Variants in IDH3B observed in about 807,000 individuals in gnomAD.
IDH3B encodes the protein isocitrate dehydrogenase (NAD(+)) 3 non-catalytic subunit beta, also known as isocitrate dehydrogenase [NAD] subunit beta, mitochondrial.
Under a neutral mutation model 47.5 loss-of-function variants are expected in IDH3B, and 40 were observed. The observed-to-expected ratio is 0.84, with a 90% CI of 0.65 to 1.10. The LOEUF (loss-of-function observed/expected upper bound fraction) is 1.10. IDH3B is among the 50% of genes least tolerant of loss of function. IDH3B has a pLI of 0.00. For missense variants in IDH3B, 450 were observed against 505.2 expected, an observed-to-expected ratio of 0.89 and a Z score of 1.05; for synonymous variants, 185 against 191.0, an observed-to-expected ratio of 0.97 and a Z score of 0.26.
intron 4 of IDH3B, among the ~76,000 whole-genome samples, chr20:2,663,141 G>A (rs796175460): frequency 7.0e-6 from 1 of 142,200 alleles, no homozygotes; most frequent in Admixed American, 6.7e-5. Context: ...AAGGAAGGGA[G>A]GGGAAAAAAA....
chr20:2,663,711 C>T lies in IDH3B; in HGVS notation c.165G>A (p.Pro55=), dbSNP rs375803338. ...TCAGCTCAGGCCCCACACCGTCTCCCGGAAGCATGGTCACGGGAAAGGAGC... is the reference window on the plus strand; with the variant it reads ...TCAGCTCAGGCCCCACACCGTCTCCTGGAAGCATGGTCACGGGAAAGGAGC... ...VEGSFPVTML[P]GDGVGPELMH... Residue 55 remains proline, a synonymous_variant, in exon 3 of 12, where the codon CCG becomes CCA. Coordinates refer to ENST00000380843, the MANE Select transcript of IDH3B (RefSeq NM_006899.5). 235 of 1,614,176 alleles carry T rather than the reference C, an allele frequency of 1.5e-4. No homozygotes were observed. In the Middle Eastern group the frequency reaches 4.3e-3, roughly 29 times the overall value.
chr20:2,659,455 G>T, intron 11 of IDH3B, 70 bp downstream of exon 11: 1 of 1,562,034 alleles, frequency 6.4e-7, no homozygotes, highest in South Asian at 1.1e-5. Context: ...GTTCCCCAGA[G>T]GGTAGTGCCG....
In IDH3B at chr20:2,659,691, T is replaced by C. The variant is rs200242149; in HGVS notation, c.1010+8A>G. On this transcript the variant is annotated splice_region_variant and intron_variant, in intron 10 of 11. Transcript: ENST00000380843. ...CCCAACCTCTGCCGACAGCCTCCCA[T>C]GACCTACTTAAGATGCCGCAGCATG... The C allele has an allele frequency of 1.0e-4, 168 of 1,613,484 alleles. No homozygotes were observed. The highest frequency in any genetic ancestry group is 1.6e-4 in the Middle Eastern group (1 of 6,084).
chr20:2,659,756 T>C lies in IDH3B; in HGVS notation c.953A>G (p.Asn318Ser), dbSNP rs1216687710. 5.0e-6 allele frequency: 8 copies of C among 1,614,046 alleles called. No individual in the cohort carries two copies. Among genetic ancestry groups the C allele is most frequent in the Admixed American group, 3.3e-5 (2 of 60,006 alleles). Residue 318 changes from asparagine to serine, a missense_variant, in exon 10 of 12, where the codon AAT (asparagine) becomes AGT (serine). Asn to Ser is a conservative substitution (Grantham distance 46). Coordinates refer to ENST00000380843, the MANE Select transcript of IDH3B (RefSeq NM_006899.5). ...RHPFAQAVGR[N>S]IANPTAMLLS... ...CAGCATGGCCGTGGGATTGGCTATA[T>C]TCCTGCCCACTGCCTGGGCAAATGG...
intron 4 of IDH3B, 42 bp downstream of exon 4, chr20:2,663,404 T>C: frequency 1.2e-6 from 2 of 1,612,220 alleles, no homozygotes; most frequent in Non-Finnish European, 1.7e-6. Flanking sequence ...GGTCATTTGA[T>C]TTTAAATGGC....
In IDH3B at chr20:2,659,105, C is replaced by A. The variant is rs118032296; in HGVS notation, c.1072-268G>T. 3.0e-3 allele frequency: 4,332 copies of A among 1,436,200 alleles called. 15 individuals carry two copies. Among genetic ancestry groups the A allele is most frequent in the Non-Finnish European group, 3.3e-3 (3,589 of 1,102,226 alleles). 89.0% of individuals were successfully genotyped at this position (1,436,200 alleles called of 1,614,324 possible). A position where few individuals can be genotyped will look rare whatever the true frequency, so the allele number is the denominator to read the frequency against. The stretch of plus-strand genomic sequence containing the variant: ...AACGCAGATCAGAGGCAGGATGTGG[C>A]TACCTTCCTTGGAAGAAATAGAGAC... On this transcript the variant is annotated intron_variant, in intron 11 of 11. Transcript: ENST00000380843.
intron 2 of IDH3B, 71 bp from the exon 3 acceptor site, chr20:2,663,829 G>A: frequency 1.3e-6 from 2 of 1,594,912 alleles, no homozygotes; most frequent in Non-Finnish European, 1.7e-6. Context: ...GAGTAGAGAA[G>A]TAGGGAGACC....
chr20:2,663,035 G>A (rs1409697033), intron 4 of IDH3B, among the ~76,000 whole-genome samples: 1 of 152,002 alleles, frequency 6.6e-6, no homozygotes, highest in African/African-American at 2.4e-5. Context: ...GCTGAGGCAG[G>A]AGAATTGCTT....
chr20:2,659,629 C>G, intron 10 of IDH3B, 44 bp from the exon 11 acceptor site: 1 of 1,610,504 alleles, frequency 6.2e-7, no homozygotes, highest in Non-Finnish European at 8.5e-7. Context: ...CCCAAGACAC[C>G]TCCCGCTAAT....
chr20:2,661,236 G>A lies in IDH3B; in HGVS notation c.338-267C>T, dbSNP rs564932661. 1.8e-4 allele frequency among the ~76,000 whole-genome samples: 27 copies of A among 151,044 alleles called. 1 individual carries two copies. The highest frequency in any genetic ancestry group is 5.6e-4 in the African/African-American group (23 of 41,318). On this transcript the variant is annotated intron_variant, in intron 4 of 11. Coordinates refer to ENST00000380843, the MANE Select transcript of IDH3B (RefSeq NM_006899.5). ...GAGAGACACAGGGTCTCACTCTGTCGCCCAGGCTGGAGTGCAGTGGCACGA... is the reference window on the plus strand; with the variant it reads ...GAGAGACACAGGGTCTCACTCTGTCACCCAGGCTGGAGTGCAGTGGCACGA...
At chr20:2,661,730 C>G (rs6115381) in intron 4 of IDH3B, among the ~76,000 whole-genome samples, 26,766 of 152,022 alleles carry the variant, frequency 0.18, 3,815 homozygotes, top group African/African-American at 0.38. Flanking sequence ...CTGGGAAAGA[C>G]AGAAAATATG....
Position 2,660,501 on chromosome 20 carries a change from CT to C in IDH3B, c.620del (p.Lys207ArgfsTer16). The C allele has an allele frequency of 6.2e-7, 1 of 1,614,198 alleles. No homozygotes were observed. Among genetic ancestry groups the C allele is most frequent in the East Asian group, 2.2e-5 (1 of 44,882 alleles). On this transcript the variant is annotated frameshift_variant, in exon 7 of 12. Coordinates refer to ENST00000380843, the MANE Select transcript of IDH3B (RefSeq NM_006899.5). LOFTEE classifies it high-confidence loss of function. The surrounding 1 kb of genome is among the most constrained non-coding windows in gnomAD (Gnocchi z 5.6). The part of the protein sequence containing the change: ...IAKFAFDYAT[K>X]KGRGKVTAVH... ...CAGCAGTGACCTTGCCCCGCCCCTT[CT>C]TGGTGGCATAGTCAAAGGCGAACTT...
chr20:2,662,428 A>T (rs2086964029), intron 4 of IDH3B, among the ~76,000 whole-genome samples: 1 of 152,238 alleles, frequency 6.6e-6, no homozygotes, highest in South Asian at 2.1e-4. Flanking sequence ...CTGGAAAATC[A>T]GGCTGTTCTT....
rs1019496360 is a variant in IDH3B at position 2,660,240 on chromosome 20, G to A, written c.768+23C>T. On this transcript the variant is annotated intron_variant, in intron 8 of 11. Coordinates refer to ENST00000380843, the MANE Select transcript of IDH3B (RefSeq NM_006899.5). This position sits in a 1 kb window ranked among gnomAD's most constrained non-coding sequence, Gnocchi z 5.6. Reference sequence around the variant, plus strand: ...CCCACCCTCCTCCTCCGCCCCATGAGTAGAGATGTGGGGAGGCCTCACCTG... The same window carrying A: ...CCCACCCTCCTCCTCCGCCCCATGAATAGAGATGTGGGGAGGCCTCACCTG... 3.1e-6 allele frequency: 5 copies of A among 1,613,626 alleles called. No homozygotes were observed. The highest frequency in any genetic ancestry group is 1.1e-5 in the South Asian group (1 of 91,076).
intron 10 of IDH3B, 33 bp from the exon 11 acceptor site, chr20:2,659,618 C>T (rs369618827): frequency 5.6e-6 from 9 of 1,611,378 alleles, no homozygotes; most frequent in South Asian, 4.4e-5. Context: ...ACTGTGACTC[C>T]CCCAAGACAC....
intron 9 of IDH3B, 106 bp downstream of exon 9, chr20:2,659,924 T>C (rs1002533526): frequency 6.6e-7 from 1 of 1,508,218 alleles, no homozygotes; most frequent in Non-Finnish European, 9.2e-7. Context: ...GTGGGCAGCG[T>C]GGGGGAAGAA....
At position 2,663,743 on chromosome 20, in the gene IDH3B, C is replaced by T. The variant is rs754961333; in HGVS notation, c.133G>A (p.Val45Met). The T allele has an allele frequency of 2.5e-6, 4 of 1,614,046 alleles. No homozygotes were observed. The South Asian group carries it at 3.3e-5, about 13-fold the overall frequency. The change falls in exon 3 of 12, where the codon GTG becomes ATG. Residue 45 changes from valine to methionine, a missense_variant. Val to Met is a conservative substitution (Grantham distance 21, BLOSUM62 1). Coordinates refer to ENST00000380843, the MANE Select transcript of IDH3B (RefSeq NM_006899.5). Reference protein sequence around the residue: ...ASRSQAEDVRVEGSFPVTMLP... With the variant: ...ASRSQAEDVRMEGSFPVTMLP... Reference sequence around the variant, plus strand: ...ATGGTCACGGGAAAGGAGCCCTCCACCCTCACGTCCTCGGCCTCAATTGGG... The same window carrying T: ...ATGGTCACGGGAAAGGAGCCCTCCATCCTCACGTCCTCGGCCTCAATTGGG...
rs771976179 is a variant in IDH3B, at chr20:2,664,172, C to A, written c.17G>T (p.Gly6Val). The A allele has an allele frequency of 1.9e-5, 31 of 1,613,632 alleles. No homozygotes were observed. Among genetic ancestry groups the A allele is most frequent in the Non-Finnish European group, 2.5e-5 (30 of 1,179,868 alleles). The change falls in exon 1 of 12, where the codon GGA (glycine) becomes GTA (valine). Residue 6 changes from glycine (G) to valine (V), a missense_variant. Physicochemically the swap from Gly to Val is moderately radical, Grantham distance 109 (BLOSUM62 -3). Coordinates refer to ENST00000380843, the MANE Select transcript of IDH3B (RefSeq NM_006899.5). MAALS[G>V]VRWLTRALVS... ...CCTCACTCGGGTCAGCCAGCGGACT[C>A]CGCTCAATGCCGCCATGTTTCCCGC... is the stretch of plus-strand genomic sequence containing the variant.
chr20:2,659,340 G>A (rs1478965497), intron 11 of IDH3B, 185 bp downstream of exon 11: 1 of 1,565,224 alleles, frequency 6.4e-7, no homozygotes, highest in Non-Finnish European at 8.6e-7. Context: ...TCAAGAGGAT[G>A]AAACAGCCAA....
Sources: gnomAD v4.1 joint callset for allele counts (sites outside exome capture counted in the v4.1 genomes callset) on GRCh38, gnomAD v4.1.1 for gene constraint, Gnocchi (gnomAD v3.1) non-coding constraint, MANE v1.5 for transcripts, NCBI Gene and HGNC (gene_info 2026-07-23, HGNC 2026-07-21) for gene names.